The following FNBP1 variants were observed in gnomAD, a reference collection of about 807,000 sequenced individuals.
The protein encoded by FNBP1 is formin binding protein 1.
In FNBP1, 26 loss-of-function variants were observed where a neutral mutation model predicts 90.6. The observed-to-expected ratio is 0.29, with a 90% confidence interval of 0.21 to 0.40. FNBP1 has a LOEUF of 0.40. Ranked by LOEUF, FNBP1 falls within the 10% of genes least tolerant of loss-of-function variation. The pLI is 1.00. For synonymous variants in FNBP1, 260 were observed against 265.2 expected, an observed-to-expected ratio of 0.98 and a Z score of 0.19; for missense variants, 635 against 768.0, an observed-to-expected ratio of 0.83 and a Z score of 2.05.
chr9:130,043,626 G>A (rs1048075680), upstream of FNBP1, among the ~76,000 whole-genome samples: 1 of 152,234 alleles, frequency 6.6e-6, no homozygotes, highest in African/African-American at 2.4e-5. Flanking sequence ...CACCGCCCGA[G>A]GGAAGCCCGA....
intron 10 of FNBP1, among the ~76,000 whole-genome samples, chr9:129,918,594 A>G (rs574445974): frequency 6.6e-6 from 1 of 152,306 alleles, no homozygotes; most frequent in East Asian, 1.9e-4. Flanking sequence ...AGAGAGAAGC[A>G]AAATCATTTT....
chr9:129,928,783 T>G (rs1320732271), intron 7 of FNBP1, among the ~76,000 whole-genome samples: 1 of 152,188 alleles, frequency 6.6e-6, no homozygotes, highest in Non-Finnish European at 1.5e-5. Flanking sequence ...TCATTCATAT[T>G]GCTAGTCAAT....
At position 130,041,974 on chromosome 9, in the gene FNBP1, G is replaced by A. The variant is rs1445018006; in HGVS notation, c.24+978C>T. Reference sequence around the variant, plus strand: ...ATCCTGGGAAATGGCTCATCTTGAGGGCATTTCAGTGCAGTAACTGAGATT... The same window carrying A: ...ATCCTGGGAAATGGCTCATCTTGAGAGCATTTCAGTGCAGTAACTGAGATT... On this transcript the variant is annotated intron_variant, in intron 1 of 16. Transcript: ENST00000446176. The surrounding 1 kb of genome is among the most constrained non-coding windows in gnomAD (Gnocchi z 4.3). 1.3e-5 allele frequency among the ~76,000 whole-genome samples: 2 copies of A among 152,048 alleles called. No homozygotes were observed. The highest frequency in any genetic ancestry group is 2.9e-5 in the Non-Finnish European group (2 of 68,016).
chr9:129,972,408 A>G (rs2049603472), intron 4 of FNBP1, among the ~76,000 whole-genome samples: 1 of 152,132 alleles, frequency 6.6e-6, no homozygotes, highest in Non-Finnish European at 1.5e-5. Context: ...TGCTGGGATT[A>G]CCACTTCAAG....
chr9:129,962,805 A>G (rs987052258), intron 4 of FNBP1, among the ~76,000 whole-genome samples: 1 of 152,194 alleles, frequency 6.6e-6, no homozygotes, highest in African/African-American at 2.4e-5. Flanking sequence ...AAGTAGAGCC[A>G]AGGACAGGGT....
At chr9:129,937,914 G>C (rs2043722173) in intron 6 of FNBP1, among the ~76,000 whole-genome samples, 1 of 151,996 alleles carries the variant, frequency 6.6e-6, no homozygotes, top group South Asian at 2.1e-4. Context: ...TGTAATCCCA[G>C]CATTTTGTGA....
the FNBP1 span, among the ~76,000 whole-genome samples, chr9:130,049,716 T>A: frequency 7.4e-4 from 112 of 151,592 alleles, 1 homozygote; most frequent in African/African-American, 1.8e-3. Flanking sequence ...AAAATAAAAA[T>A]AAAAATAAAA....
chr9:130,024,394 G>A (rs565977109), intron 1 of FNBP1, among the ~76,000 whole-genome samples: 1 of 152,300 alleles, frequency 6.6e-6, no homozygotes, highest in Non-Finnish European at 1.5e-5. Context: ...AGGCTGCAGT[G>A]AGCTCTGACA....
Position 129,940,627 on chromosome 9 carries a change from CAT to C in FNBP1, c.514-10934_514-10933del, listed in dbSNP as rs201812653. Among the ~76,000 whole-genome samples, 1,353 of 138,642 alleles carry C rather than the reference CAT, an allele frequency of 9.8e-3. 17 individuals are homozygous for C. The highest frequency in any genetic ancestry group is 0.032 in the African/African-American group (1,187 of 37,478). 91.0% of individuals were successfully genotyped at this position (138,642 alleles called of 152,430 possible). ...GAGAGTTTTCATATATATATATATA[CAT>C]ATATATACATATTTTTAGATGGAGT... On this transcript the variant is annotated intron_variant, in intron 6 of 16. Coordinates refer to ENST00000446176, the MANE Select transcript of FNBP1 (RefSeq NM_015033.3).
intron 12 of FNBP1, among the ~76,000 whole-genome samples, chr9:129,905,290 G>GTATATA (rs1435497753): frequency 5.2e-5 from 3 of 57,976 alleles, no homozygotes; most frequent in Non-Finnish European, 7.0e-5. Flanking sequence ...GTGTGTGTGT[G>GTATATA]TGTGTATATA....
chr9:129,984,207 T>G (rs983821494), intron 2 of FNBP1, among the ~76,000 whole-genome samples: 2 of 151,900 alleles, frequency 1.3e-5, no homozygotes, highest in African/African-American at 4.8e-5. Context: ...GCCAGAGAAT[T>G]GTGCTTTCCC....
intron 9 of FNBP1, among the ~76,000 whole-genome samples, 153 bp downstream of exon 9, chr9:129,924,806 CA>C (rs2041634975): frequency 6.6e-6 from 1 of 152,086 alleles, no homozygotes; most frequent in Non-Finnish European, 1.5e-5. Flanking sequence ...ATACCACCAC[CA>C]AAAAGAAATA....
At chr9:130,053,861 C>T in the FNBP1 span, 1 of 1,442,406 alleles carries the variant, frequency 6.9e-7, no homozygotes. Flanking sequence ...CTCCCCGGGC[C>T]CTTCCGGCGG....
intron 6 of FNBP1, among the ~76,000 whole-genome samples, chr9:129,948,605 T>C (rs2045707258): frequency 6.6e-6 from 1 of 151,996 alleles, no homozygotes. Flanking sequence ...TGCAATGGCA[T>C]GATCTCAGCT....
intron 1 of FNBP1, among the ~76,000 whole-genome samples, chr9:130,020,462 G>A (rs1339733972): frequency 1.3e-5 from 2 of 151,966 alleles, no homozygotes; most frequent in Non-Finnish European, 2.9e-5. Context: ...CACCCGCCTT[G>A]GCCTCCTAAA....
intron 2 of FNBP1, among the ~76,000 whole-genome samples, chr9:129,993,350 C>T (rs145545416): frequency 9.9e-4 from 150 of 151,982 alleles, no homozygotes; most frequent in African/African-American, 3.1e-3. Context: ...AACATGAAAT[C>T]ATTAAGGACT....
At chr9:129,991,369 T>C (rs2053126244) in intron 2 of FNBP1, among the ~76,000 whole-genome samples, 1 of 151,530 alleles carries the variant, frequency 6.6e-6, no homozygotes, top group Non-Finnish European at 1.5e-5. Context: ...CGTCTTGGGC[T>C]CAAGCATCCG....
chr9:129,909,949 C>G (rs1189803173), intron 11 of FNBP1, among the ~76,000 whole-genome samples: 1 of 152,322 alleles, frequency 6.6e-6, no homozygotes, highest in South Asian at 2.1e-4. Context: ...TCCCTGACCT[C>G]AAAATCAGTT....
At chr9:130,040,253 A>C (rs1281467398) in intron 1 of FNBP1, among the ~76,000 whole-genome samples, 1 of 152,092 alleles carries the variant, frequency 6.6e-6, no homozygotes. Context: ...TTAGTAGCAC[A>C]ATCATGTGTT....
Sources: gnomAD v4.1 joint callset for allele counts (sites outside exome capture counted in the v4.1 genomes callset) on GRCh38, gnomAD v4.1.1 for gene constraint, Gnocchi (gnomAD v3.1) non-coding constraint, MANE v1.5 for transcripts, NCBI Gene and HGNC (gene_info 2026-07-23, HGNC 2026-07-21) for gene names.